The following ASTN1 variants were observed in gnomAD, a reference collection of about 807,000 sequenced individuals.
ASTN1 encodes astrotactin-1.
A neutral mutation model predicts 140.7 loss-of-function variants in ASTN1; 41 were observed. The observed-to-expected ratio is 0.29, with a 90% confidence interval of 0.23 to 0.38. The LOEUF (loss-of-function observed/expected upper bound fraction) is 0.38. ASTN1 is among the 10% of genes least tolerant of loss of function. The pLI, the probability that ASTN1 is intolerant of heterozygous loss-of-function variation, is 1.00. For synonymous variants in ASTN1, 640 were observed against 652.2 expected, an observed-to-expected ratio of 0.98 and a Z score of 0.29; for missense variants, 1,479 against 1,678.8, an observed-to-expected ratio of 0.88 and a Z score of 2.08.
chr1:177,100,312 C>G (rs866793512), intron 1 of ASTN1, among the ~76,000 whole-genome samples: 47 of 151,848 alleles, frequency 3.1e-4, no homozygotes, highest in African/African-American at 1.0e-3. Flanking sequence ...TTAAAAAAAG[C>G]CTATGTCCTT....
At position 176,864,443 on chromosome 1, in the gene ASTN1, G is replaced by A. The variant is rs1345445991; in HGVS notation, c.3726C>T (p.Ser1242=). The A allele has an allele frequency of 1.2e-6, 2 of 1,614,162 alleles. No individual in the cohort carries two copies. Among genetic ancestry groups the A allele is most frequent in the Non-Finnish European group, 1.7e-6 (2 of 1,180,032 alleles). The change falls in exon 23 of 23, where the codon AGC becomes AGT. Residue 1242 remains serine, a synonymous_variant. Coordinates refer to ENST00000361833, the MANE Select transcript of ASTN1 (RefSeq NM_004319.3). ...GGTACTTGAGTGAGCTGCGCCGCAA[G>A]CTTATCTTGGGTTCCTGAAGGAGTC... ...CNGLLQEPKI[S]LRRSSLKYLG...
intron 21 of ASTN1, among the ~76,000 whole-genome samples, chr1:176,873,657 T>A (rs1668443315): frequency 6.6e-6 from 1 of 152,182 alleles, no homozygotes; most frequent in South Asian, 2.1e-4. Context: ...TAGAACTGTA[T>A]TAATTAGCAA....
At chr1:176,987,777 G>A (rs2101891937) in intron 8 of ASTN1, among the ~76,000 whole-genome samples, 1 of 152,282 alleles carries the variant, frequency 6.6e-6, no homozygotes, top group East Asian at 1.9e-4. Flanking sequence ...AGAGCAGTTA[G>A]GAAGATGTTA....
chr1:177,036,939 C>T (rs1302258932), intron 2 of ASTN1, among the ~76,000 whole-genome samples: 1 of 152,104 alleles, frequency 6.6e-6, no homozygotes, highest in Non-Finnish European at 1.5e-5. Context: ...CTCACCTCAA[C>T]CTCCCAAGTA....
At chr1:176,944,701 A>G (rs1671879144) in intron 13 of ASTN1, among the ~76,000 whole-genome samples, 1 of 152,188 alleles carries the variant, frequency 6.6e-6, no homozygotes, top group Admixed American at 6.5e-5. Flanking sequence ...AGCTGAAAAG[A>G]TCTACCAAAA....
intron 1 of ASTN1, among the ~76,000 whole-genome samples, chr1:177,110,176 A>C (rs1377003694): frequency 1.3e-5 from 2 of 152,252 alleles, no homozygotes; most frequent in Non-Finnish European, 2.9e-5. Flanking sequence ...AAAAATATTA[A>C]TTGGGATTTT....
chr1:176,902,944 A>C (rs1035407316), intron 16 of ASTN1, among the ~76,000 whole-genome samples: 5 of 152,242 alleles, frequency 3.3e-5, no homozygotes, highest in Non-Finnish European at 7.3e-5. Flanking sequence ...TTCACTCCTC[A>C]AAGGAAGTCT....
intron 12 of ASTN1, among the ~76,000 whole-genome samples, chr1:176,946,861 C>G (rs1671981011): frequency 6.6e-6 from 1 of 152,084 alleles, no homozygotes; most frequent in African/African-American, 2.4e-5. Context: ...TTAATTGGAC[C>G]TTATTTGTAG....
intron 8 of ASTN1, among the ~76,000 whole-genome samples, chr1:176,992,913 G>A (rs896118056): frequency 2.6e-5 from 4 of 152,272 alleles, no homozygotes; most frequent in African/African-American, 9.6e-5. Context: ...ATAGAAGCTA[G>A]GGCCTTTAAA....
intron 7 of ASTN1, among the ~76,000 whole-genome samples, chr1:177,020,651 G>A (rs1000357231): frequency 2.6e-5 from 4 of 152,118 alleles, no homozygotes; most frequent in Non-Finnish European, 4.4e-5. Context: ...GCCATGTAAC[G>A]TGACACATTC....
intron 2 of ASTN1, among the ~76,000 whole-genome samples, chr1:177,042,901 G>A (rs1321063594): frequency 6.6e-6 from 1 of 152,226 alleles, no homozygotes; most frequent in African/African-American, 2.4e-5. Context: ...TTATGCAAGT[G>A]AGGATCCCTA....
chr1:177,056,989 T>C (rs1048027924), intron 2 of ASTN1, among the ~76,000 whole-genome samples: 5 of 152,236 alleles, frequency 3.3e-5, no homozygotes, highest in African/African-American at 1.2e-4. Flanking sequence ...AAGAGTATCT[T>C]TGTGTACTTT....
At position 176,863,023 on chromosome 1, in the gene ASTN1, C is replaced by A; in HGVS notation, c.*1261G>T. On this transcript the variant is annotated 3_prime_UTR_variant, in exon 23 of 23. Transcript: ENST00000361833. ...TCAACAGGGCCTTGCCAGGCTCTTT[C>A]TGAAAGGCTGGGCTTCCTGTTGGCT... 2.0e-6 allele frequency: 2 copies of A among 985,542 alleles called. No individual in the cohort carries two copies. Among genetic ancestry groups the A allele is most frequent in the Non-Finnish European group, 2.4e-6 (2 of 829,960 alleles). 61.0% of individuals were successfully genotyped at this position (985,542 alleles called of 1,614,324 possible). A position where few individuals can be genotyped will look rare whatever the true frequency, so the allele number is the denominator to read the frequency against.
intron 2 of ASTN1, among the ~76,000 whole-genome samples, chr1:177,058,339 C>T (rs932485595): frequency 1.3e-5 from 2 of 152,136 alleles, no homozygotes; most frequent in African/African-American, 2.4e-5. Flanking sequence ...TGCACCCTTA[C>T]GTTTGCCTAT....
chr1:176,958,173 T>G (rs996529701), intron 10 of ASTN1, among the ~76,000 whole-genome samples, 172 bp downstream of exon 10: 3 of 152,332 alleles, frequency 2.0e-5, no homozygotes, highest in African/African-American at 7.2e-5. Flanking sequence ...TGTGCAATAT[T>G]GACCCAGATA....
intron 1 of ASTN1, among the ~76,000 whole-genome samples, chr1:177,083,894 A>T (rs747877466): frequency 1.3e-5 from 2 of 152,206 alleles, no homozygotes; most frequent in Non-Finnish European, 2.9e-5. Context: ...GTCTCTAGGG[A>T]TAGACGTTCT....
chr1:176,938,940 C>T (rs1671565278), intron 14 of ASTN1, among the ~76,000 whole-genome samples: 1 of 151,700 alleles, frequency 6.6e-6, no homozygotes, highest in Admixed American at 6.6e-5. Context: ...ATGGTGAAAC[C>T]CCATCTTTAC....
chr1:176,886,607 G>A (rs917592095), intron 18 of ASTN1, among the ~76,000 whole-genome samples: 2 of 152,228 alleles, frequency 1.3e-5, no homozygotes, highest in African/African-American at 2.4e-5. Flanking sequence ...CCTACAGAGA[G>A]AAGACAGACT....
intron 15 of ASTN1, chr1:176,936,009 C>G: frequency 1.9e-6 from 1 of 524,682 alleles, no homozygotes; most frequent in Non-Finnish European, 3.5e-6. Flanking sequence ...AAAAATTATA[C>G]CTTCAATGGC....
Sources: gnomAD v4.1 joint callset for allele counts (sites outside exome capture counted in the v4.1 genomes callset) on GRCh38, gnomAD v4.1.1 for gene constraint, MANE v1.5 for transcripts, NCBI Gene and HGNC (gene_info 2026-07-23, HGNC 2026-07-21) for gene names.